The following UBE2L3 variants were observed in gnomAD, a reference collection of about 807,000 sequenced individuals.
The protein encoded by UBE2L3 is ubiquitin-conjugating enzyme E2 L3.
UBE2L3 carries 1 observed loss-of-function variant against 17.8 expected under a neutral mutation model. The observed-to-expected ratio is 0.06, with a 90% confidence interval of 0.02 to 0.27. UBE2L3 has a LOEUF of 0.27. UBE2L3 is among the 10% of genes least tolerant of loss of function. UBE2L3 has a pLI of 1.00. For synonymous variants in UBE2L3, 44 were observed against 68.5 expected (o/e 0.64, Z 1.76); for missense variants, 40 against 192.6 (o/e 0.21, Z 4.69).
chr22:21,618,589 A>G (rs539333606), intron 3 of UBE2L3, among the ~76,000 whole-genome samples: 1 of 149,680 alleles, frequency 6.7e-6, no homozygotes, highest in South Asian at 2.2e-4. Flanking sequence ...AAATATATAT[A>G]TATATTATTT....
rs1206266564 is a variant in UBE2L3, at chr22:21,556,714, G to A, written c.201+7064G>A. On this transcript the variant is annotated intron_variant, in intron 1 of 3. Transcript: ENST00000458578. ...TGACCTCGAGCAATCCACCTGCCTC[G>A]GCCTCCCAAAGTACTGAGATTACAG... 1.9e-4 allele frequency among the ~76,000 whole-genome samples: 28 copies of A among 148,790 alleles called. No homozygotes were observed. In the East Asian group the frequency reaches 4.2e-3, roughly 22 times the overall value.
rs1568991712 is a variant in UBE2L3 at position 21,623,110 on chromosome 22, GGGGGACTAGATCC to G, written c.*1442_*1454del. On this transcript the variant is annotated 3_prime_UTR_variant, in exon 4 of 4. Transcript: ENST00000342192. ...GGCGGCTTCCCTTCTTGGCTCTTGG[GGGGGACTAGATCC>G]TGTGGAGAAGATGACTTAAACTTTG... is the stretch of plus-strand genomic sequence containing the variant. The G allele has an allele frequency of 6.6e-6, 1 of 152,292 alleles. No individual in the cohort carries two copies. The highest frequency in any genetic ancestry group is 1.5e-5 in the Non-Finnish European group (1 of 68,032). 9.4% of individuals were successfully genotyped at this position (152,292 alleles called of 1,614,324 possible).
At chr22:21,607,046 T>A (rs1929211662) in intron 2 of UBE2L3, among the ~76,000 whole-genome samples, 1 of 152,142 alleles carries the variant, frequency 6.6e-6, no homozygotes, top group South Asian at 2.1e-4. Context: ...TATCCATCCT[T>A]TAAGGCCCTT....
intron 3 of UBE2L3, among the ~76,000 whole-genome samples, chr22:21,612,933 G>A (rs1166166941): frequency 1.3e-5 from 2 of 152,070 alleles, no homozygotes; most frequent in Admixed American, 1.3e-4. Context: ...CATCATGCCC[G>A]GCGAGCCTGG....
At chr22:21,593,484 G>A (rs1928370304) in intron 2 of UBE2L3, among the ~76,000 whole-genome samples, 2 of 151,854 alleles carry the variant, frequency 1.3e-5, no homozygotes, top group African/African-American at 4.8e-5. Flanking sequence ...TGGGGCTTAT[G>A]CCTCCAGTGT....
chr22:21,568,262 A>T, intron 1 of UBE2L3: 1 of 986,672 alleles, frequency 1.0e-6, no homozygotes, highest in Non-Finnish European at 1.2e-6. Context: ...GGTTCGGGCT[A>T]GGAAAGAGAG....
At chr22:21,567,808 C>A (rs990257052) in intron 1 of UBE2L3, 37 bp downstream of exon 1, 1 of 1,568,642 alleles carries the variant, frequency 6.4e-7, no homozygotes, top group Admixed American at 1.9e-5. Flanking sequence ...GGGCGTGGGG[C>A]GGCGTCCTAG....
Position 21,606,758 on chromosome 22 carries a change from A to G in UBE2L3, c.124-4099A>G, listed in dbSNP as rs147880000. ...CAGCTACTTGGGAGGCTGAGGTGGG[A>G]GGATTGCTAGAGCCCGGGAAGTCAA... On this transcript the variant is annotated intron_variant, in intron 2 of 3. Transcript: ENST00000342192. Among the ~76,000 whole-genome samples the G allele has an allele frequency of 1.9e-3, 287 of 152,186 alleles. 1 individual carries two copies. The highest frequency in any genetic ancestry group is 4.5e-3 in the Admixed American group (69 of 15,290).
chr22:21,606,149 G>T (rs1929146598), intron 2 of UBE2L3, among the ~76,000 whole-genome samples: 1 of 152,188 alleles, frequency 6.6e-6, no homozygotes, highest in South Asian at 2.1e-4. Flanking sequence ...GCTAACTTGG[G>T]GCCAGATGGC....
At chr22:21,572,367 A>G (rs1300555570) in intron 1 of UBE2L3, among the ~76,000 whole-genome samples, 3 of 142,628 alleles carry the variant, frequency 2.1e-5, no homozygotes, top group Non-Finnish European at 3.0e-5. Flanking sequence ...CCCGGGAGGC[A>G]GAGGTTGCGG....
In UBE2L3 at chr22:21,562,465, G is replaced by A. The variant is rs372851032; in HGVS notation, c.201+12815G>A. 2.5e-3 allele frequency among the ~76,000 whole-genome samples: 372 copies of A among 151,016 alleles called. 2 individuals carry two copies. Among genetic ancestry groups the A allele is most frequent in the African/African-American group, 8.2e-3 (338 of 41,100 alleles). On this transcript the variant is annotated intron_variant, in intron 1 of 3. Coordinates refer to the UBE2L3 transcript ENST00000458578. ...CCGCTCACTGCAAACTCCGCCTCCC[G>A]GGTTCATGCCATTCTCCTGCCTCAA...
intron 1 of UBE2L3, among the ~76,000 whole-genome samples, chr22:21,587,591 G>A (rs1928016925): frequency 6.6e-6 from 1 of 152,188 alleles, no homozygotes; most frequent in Non-Finnish European, 1.5e-5. Flanking sequence ...CCAAAAAGAA[G>A]CAAAAGAGGA....
At chr22:21,559,512 C>G (rs1198953584) in intron 1 of UBE2L3, among the ~76,000 whole-genome samples, 2 of 152,140 alleles carry the variant, frequency 1.3e-5, no homozygotes, top group East Asian at 3.9e-4. Flanking sequence ...GGCGAGTGCT[C>G]TGGGTGAGGA....
At chr22:21,559,012 C>G (rs2148390558) in intron 1 of UBE2L3, among the ~76,000 whole-genome samples, 1 of 151,824 alleles carries the variant, frequency 6.6e-6, no homozygotes, top group East Asian at 1.9e-4. Flanking sequence ...CATGGGCTCA[C>G]CAAGCTCCTA....
chr22:21,581,304 G>A (rs1289390428), intron 1 of UBE2L3, among the ~76,000 whole-genome samples: 1 of 151,160 alleles, frequency 6.6e-6, no homozygotes, highest in African/African-American at 2.4e-5. Flanking sequence ...CAGTCCACCT[G>A]CCTTGGCTTC....
intron 1 of UBE2L3, chr22:21,568,057 G>A: frequency 6.3e-6 from 8 of 1,270,240 alleles, no homozygotes; most frequent in South Asian, 2.4e-5. Context: ...CCCCTGTCGC[G>A]GAGGCCGCGG....
chr22:21,562,708 G>T (rs1926488388), intron 1 of UBE2L3, among the ~76,000 whole-genome samples: 1 of 131,324 alleles, frequency 7.6e-6, no homozygotes, highest in Admixed American at 8.0e-5. Flanking sequence ...TAGTAGAGAT[G>T]GGCTTTCCCC....
chr22:21,588,639 C>G (rs899473008), intron 1 of UBE2L3, among the ~76,000 whole-genome samples: 1 of 151,454 alleles, frequency 6.6e-6, no homozygotes, highest in African/African-American at 2.4e-5. Context: ...ACCACCATGC[C>G]TGGCTACTTT....
chr22:21,568,008 G>A (rs539612626), intron 1 of UBE2L3: 498 of 1,338,944 alleles, frequency 3.7e-4, no homozygotes, highest in Admixed American at 2.3e-3. Context: ...CCCGGCCCGG[G>A]GCGTTCACGC....
Sources: allele counts gnomAD v4.1 joint callset (sites outside exome capture counted in the v4.1 genomes callset), GRCh38; gene constraint gnomAD v4.1.1; transcripts MANE v1.5; gene names NCBI Gene and HGNC (gene_info 2026-07-23, HGNC 2026-07-21).